Variants in MYBPH observed in about 807,000 individuals in gnomAD.
MYBPH encodes the protein myosin-binding protein H.
MYBPH carries 49 observed loss-of-function variants against 53.6 expected under a neutral mutation model. That is an observed-to-expected ratio of 0.91 (90% CI 0.73 to 1.16). MYBPH has a LOEUF of 1.16. Among genes scored for constraint, MYBPH ranks in the 50% most tolerant of loss-of-function variants. The pLI is 0.00. For missense variants in MYBPH, 558 were observed against 624.1 expected (o/e 0.89, Z 1.13); for synonymous variants, 239 against 249.6 (o/e 0.96, Z 0.40).
In MYBPH at chr1:203,174,610, AGAGAGTGT is replaced by A; in HGVS notation, c.341-21_341-14del. 1 of 1,582,242 alleles carries A rather than the reference AGAGAGTGT, an allele frequency of 6.3e-7. No homozygotes were observed. Among genetic ancestry groups the A allele is most frequent in the Non-Finnish European group, 8.6e-7 (1 of 1,157,106 alleles). On this transcript the variant is annotated splice_polypyrimidine_tract_variant and intron_variant, in intron 2 of 10. Transcript: ENST00000255416. ...ACCCACTCCGAGGCTGAGGGGATGG[AGAGAGTGT>A]GAGGTCTTTGCAATGTGGCCACAGG...
upstream of MYBPH, among the ~76,000 whole-genome samples, chr1:203,176,793 C>G (rs776203865): frequency 6.6e-6 from 1 of 152,132 alleles, no homozygotes; most frequent in Non-Finnish European, 1.5e-5. Flanking sequence ...AGCAGTCACT[C>G]TGGAAAATGT....
At position 203,174,476 on chromosome 1, in the gene MYBPH, G is replaced by A. The variant is rs558578123; in HGVS notation, c.462C>T (p.Gly154=). Reference sequence around the variant, plus strand: ...TGGGCTGGTCCAGCATGGCCGGCGGGCCAGCCCCTGCAGAACTCACTGCAG... The same window carrying A: ...TGGGCTGGTCCAGCATGGCCGGCGGACCAGCCCCTGCAGAACTCACTGCAG... ...RVSAVSSAGA[G]PPAMLDQPIH... is the part of the protein sequence containing the mutation. Residue 154 remains glycine, a synonymous_variant, in exon 3 of 11, where the codon GGC becomes GGT. Transcript: ENST00000255416. 6.2e-7 allele frequency: 1 copy of A among 1,611,674 alleles called. No individual in the cohort carries two copies. Among genetic ancestry groups the A allele is most frequent in the African/African-American group, 1.3e-5 (1 of 75,028 alleles).
At chr1:203,174,953 C>T (rs1389124766) in intron 2 of MYBPH, among the ~76,000 whole-genome samples, 3 of 152,082 alleles carry the variant, frequency 2.0e-5, no homozygotes, top group Non-Finnish European at 4.4e-5. Flanking sequence ...CCGCTTTCTC[C>T]TCACTGTCTC....
rs1655700538 is a variant in MYBPH, at chr1:203,171,705, G to A, written c.598-127C>T. 2 of 1,059,536 alleles carry A rather than the reference G, an allele frequency of 1.9e-6. No homozygotes were observed. Among genetic ancestry groups the A allele is most frequent in the East Asian group, 5.3e-5 (2 of 37,556 alleles). The allele number at this position is 1,059,536 out of a possible 1,614,324, so 65.6% of individuals were successfully genotyped here. A position where few individuals can be genotyped will look rare whatever the true frequency, so the allele number is the denominator to read the frequency against. ...CCACTGGCCCTTCTCAGGAGGGGCA[G>A]CAGAGGCTGGAGCCACAGGTGCTGC... On this transcript the variant is annotated intron_variant, in intron 4 of 10. Transcript: ENST00000255416. This position sits in a 1 kb window ranked among gnomAD's most constrained non-coding sequence, Gnocchi z 4.2.
intron 6 of MYBPH, 103 bp from the exon 7 acceptor site, chr1:203,170,553 C>T (rs1655675759): frequency 6.9e-7 from 1 of 1,446,210 alleles, no homozygotes; most frequent in East Asian, 2.4e-5. Flanking sequence ...TGCCCCCAAC[C>T]TTAGGATGCT....
Position 203,169,093 on chromosome 1 carries a change from C to T in MYBPH, c.1231-1G>A. On this transcript the variant is annotated splice_acceptor_variant, in intron 8 of 10. Transcript: ENST00000255416. LOFTEE classifies it high-confidence loss of function. The stretch of plus-strand genomic sequence containing the variant: ...TGTTTTTCATCCAGATGATCTTGGG[C>T]TGGGAGACATGGTCAGAAGAGAGCT... 6.2e-7 allele frequency: 1 copy of T among 1,613,736 alleles called. No individual in the cohort carries two copies. The highest frequency in any genetic ancestry group is 8.5e-7 in the Non-Finnish European group (1 of 1,179,864).
intron 9 of MYBPH, 37 bp downstream of exon 9, chr1:203,168,869 G>A: frequency 1.9e-6 from 3 of 1,609,794 alleles, no homozygotes; most frequent in Non-Finnish European, 2.5e-6. Flanking sequence ...GTTCCAGAGA[G>A]GTGCTTACTC....
Position 203,168,648 on chromosome 1 carries a change from C to T in MYBPH, c.*11G>A, listed in dbSNP as rs1167255592. The T allele has an allele frequency of 2.1e-6, 3 of 1,451,168 alleles. No individual in the cohort carries two copies. The highest frequency in any genetic ancestry group is 1.7e-4 in the Middle Eastern group (1 of 5,788). 89.9% of individuals were successfully genotyped at this position (1,451,168 alleles called of 1,614,324 possible). ...TTACCTGGCTCCTCATCACAGCCTCCTCCCGTGACTTCAGTGTGCGGCTGA... is the reference window on the plus strand; with the variant it reads ...TTACCTGGCTCCTCATCACAGCCTCTTCCCGTGACTTCAGTGTGCGGCTGA... On this transcript the variant is annotated 3_prime_UTR_variant, in exon 10 of 11. Coordinates refer to ENST00000255416, the MANE Select transcript of MYBPH (RefSeq NM_004997.3).
At chr1:203,177,996 T>C (rs1211317006), upstream of MYBPH, among the ~76,000 whole-genome samples, 3 of 152,226 alleles carry the variant, frequency 2.0e-5, no homozygotes, top group Non-Finnish European at 4.4e-5. Context: ...CCTCCTTCCC[T>C]CCACTTCAAA....
chr1:203,169,512 A>T, intron 7 of MYBPH, 123 bp from the exon 8 acceptor site: 2 of 1,356,848 alleles, frequency 1.5e-6, no homozygotes, highest in Non-Finnish European at 2.0e-6. Context: ...GAACTTGGAC[A>T]ATCTCAAAGA....
chr1:203,178,400 A>C (rs796102800), upstream of MYBPH, among the ~76,000 whole-genome samples: 1 of 152,184 alleles, frequency 6.6e-6, no homozygotes, highest in East Asian at 1.9e-4. Context: ...TTCCAAGGTA[A>C]TCGGCTGCCC....
rs1655671410 is a variant in MYBPH, at chr1:203,170,333, A to G, written c.1051T>C (p.Ser351Pro). The G allele has an allele frequency of 1.2e-6, 2 of 1,614,146 alleles. No individual in the cohort carries two copies. The highest frequency in any genetic ancestry group is 8.5e-7 in the Non-Finnish European group (1 of 1,180,010). ...GCGAGCTCCTTGGTGACGGTGGCCG[A>G]GGTGCTGAGTCCACACAGGTTTTCT... The part of the protein sequence containing the change: ...FSENLCGLST[S>P]ATVTKELAHI... The change falls in exon 7 of 11, where the codon TCG (serine) becomes CCG (proline). Residue 351 changes from serine (S) to proline (P), a missense_variant. Transcript: ENST00000255416.
upstream of MYBPH, among the ~76,000 whole-genome samples, chr1:203,176,377 C>T (rs1276389957): frequency 7.9e-5 from 12 of 152,110 alleles, no homozygotes; most frequent in Non-Finnish European, 1.5e-4. Flanking sequence ...TGGAGCTGCT[C>T]AGAGGATGGT....
Position 203,175,809 on chromosome 1 carries a change from G to GGCCTGGGCCTCTAGGGT in MYBPH, c.-71_-55dup. 6.3e-7 allele frequency: 1 copy of GGCCTGGGCCTCTAGGGT among 1,585,648 alleles called. No individual in the cohort carries two copies. Among genetic ancestry groups the GGCCTGGGCCTCTAGGGT allele is most frequent in the African/African-American group, 1.3e-5 (1 of 74,330 alleles). Reference sequence around the variant, plus strand: ...AGTGTGCAGGGGTCAGCCGTTGGGGGGCCTGGGCCTCTAGGGTGCCTGGGA... The same window carrying GGCCTGGGCCTCTAGGGT: ...AGTGTGCAGGGGTCAGCCGTTGGGGGGCCTGGGCCTCTAGGGTGCCTGGGCCTCTAGGGTGCCTGGGA... On this transcript the variant is annotated 5_prime_UTR_variant, in exon 1 of 11. Coordinates refer to ENST00000255416, the MANE Select transcript of MYBPH (RefSeq NM_004997.3).
Position 203,175,550 on chromosome 1 carries a change from C to T in MYBPH, c.205+1G>A. Reference sequence around the variant, plus strand: ...CCTCCCCCTGCCCCACCTTCAGTCACCTTCACTTGGGGGTGCAGGCTTAGT... The same window carrying T: ...CCTCCCCCTGCCCCACCTTCAGTCATCTTCACTTGGGGGTGCAGGCTTAGT... On this transcript the variant is annotated splice_donor_variant, in intron 1 of 10. Transcript: ENST00000255416. LOFTEE classifies it high-confidence loss of function. The T allele has an allele frequency of 1.2e-6, 2 of 1,613,838 alleles. No homozygotes were observed. Among genetic ancestry groups the T allele is most frequent in the East Asian group, 2.2e-5 (1 of 44,828 alleles).
At position 203,168,608 on chromosome 1, in the gene MYBPH, G is replaced by T; in HGVS notation, c.*32+19C>A. On this transcript the variant is annotated intron_variant, in intron 10 of 10. Transcript: ENST00000255416. Reference sequence around the variant, plus strand: ...TGCTGCCCACAGAGGTAACAGAGTGGGTGGGTCAGGCCATTTACCTGGCTC... The same window carrying T: ...TGCTGCCCACAGAGGTAACAGAGTGTGTGGGTCAGGCCATTTACCTGGCTC... 6.5e-7 allele frequency: 1 copy of T among 1,550,302 alleles called. No homozygotes were observed. Among genetic ancestry groups the T allele is most frequent in the South Asian group, 1.2e-5 (1 of 84,068 alleles).
intron 3 of MYBPH, among the ~76,000 whole-genome samples, chr1:203,172,841 C>A (rs1226086575): frequency 1.3e-5 from 2 of 152,180 alleles, no homozygotes; most frequent in Admixed American, 6.5e-5. Flanking sequence ...AAACAGGTGG[C>A]AGCAGTTGGT....
chr1:203,176,782 G>A (rs535632811), upstream of MYBPH, among the ~76,000 whole-genome samples: 1 of 152,292 alleles, frequency 6.6e-6, no homozygotes, highest in South Asian at 2.1e-4. Flanking sequence ...GCTGGTATTG[G>A]AGCAGTCACT....
intron 2 of MYBPH, 60 bp downstream of exon 2, chr1:203,175,267 C>T: frequency 6.7e-7 from 1 of 1,501,246 alleles, no homozygotes; most frequent in South Asian, 1.4e-5. Flanking sequence ...GTGCACTTGT[C>T]CCTGCAGCCC....
Sources: gnomAD v4.1 joint callset for allele counts (sites outside exome capture counted in the v4.1 genomes callset) on GRCh38, gnomAD v4.1.1 for gene constraint, Gnocchi (gnomAD v3.1) non-coding constraint, MANE v1.5 for transcripts, NCBI Gene and HGNC (gene_info 2026-07-23, HGNC 2026-07-21) for gene names.